Variants in UBR3 observed in about 807,000 individuals in gnomAD.
UBR3 encodes the protein ubiquitin protein ligase E3 component n-recognin 3, also known as E3 ubiquitin-protein ligase UBR3.
Under a neutral mutation model 243.2 loss-of-function variants are expected in UBR3, and 85 were observed. That is an observed-to-expected ratio of 0.35 (90% CI 0.29 to 0.42). UBR3 has a LOEUF of 0.42. Among genes scored for constraint, UBR3 ranks in the 10% least tolerant of loss-of-function variants. The pLI, the probability that UBR3 is intolerant of heterozygous loss-of-function variation, is 1.00. For missense variants in UBR3, 1,686 were observed against 2,300.8 expected (o/e 0.73, Z 5.47); for synonymous variants, 748 against 799.8 (o/e 0.94, Z 1.09).
chr2:169,877,110 CAG>C (rs1375602209), intron 3 of UBR3, among the ~76,000 whole-genome samples: 3 of 152,196 alleles, frequency 2.0e-5, no homozygotes, highest in Admixed American at 2.0e-4. Flanking sequence ...TACGAGAGCA[CAG>C]ACTGTCAAAC....
chr2:169,858,595 T>C (rs1271649522), intron 1 of UBR3, among the ~76,000 whole-genome samples: 1 of 152,116 alleles, frequency 6.6e-6, no homozygotes, highest in Non-Finnish European at 1.5e-5. Context: ...ATTTATTTAT[T>C]TGAAATTTAT....
At chr2:170,001,939 A>AAAAAAAAAAAAG (rs1553531165) in intron 27 of UBR3, among the ~76,000 whole-genome samples, 58 of 116,174 alleles carry the variant, frequency 5.0e-4, no homozygotes, top group Middle Eastern at 4.4e-3. Flanking sequence ...AAAAAAAAAA[A>AAAAAAAAAAAAG]AAAGAAAGAA....
chr2:169,828,776 C>G (rs762743260), intron 1 of UBR3, among the ~76,000 whole-genome samples: 1 of 152,196 alleles, frequency 6.6e-6, no homozygotes, highest in African/African-American at 2.4e-5. Context: ...AACCAGGAAT[C>G]AAGTGTTAGG....
chr2:169,837,277 G>C (rs1342706032), intron 1 of UBR3, among the ~76,000 whole-genome samples: 1 of 152,234 alleles, frequency 6.6e-6, no homozygotes, highest in Non-Finnish European at 1.5e-5. Context: ...GGGAGTTCGA[G>C]ACCAGCCTGA....
At chr2:169,881,399 G>C (rs1201284331) in intron 5 of UBR3, among the ~76,000 whole-genome samples, 6 of 151,878 alleles carry the variant, frequency 4.0e-5, no homozygotes, top group African/African-American at 1.5e-4. Context: ...GGCTGGTGTT[G>C]AACTCCTGAC....
chr2:169,836,058 TATATATA>T lies in UBR3; in HGVS notation c.545+8007_545+8013del, dbSNP rs1558998927. ...CTCTCTCTCTCTATATATATATATA[TATATATA>T]TATTTTTTTTTTTTTTTTTTTTTTT... On this transcript the variant is annotated intron_variant, in intron 1 of 38. Coordinates refer to ENST00000272793, the MANE Select transcript of UBR3 (RefSeq NM_172070.4). Among the ~76,000 whole-genome samples, 36 of 58,182 alleles carry T rather than the reference TATATATA, an allele frequency of 6.2e-4. 6 individuals carry two copies. The highest frequency in any genetic ancestry group is 7.1e-4 in the Non-Finnish European group (18 of 25,344). The allele number at this position is 58,182 out of a possible 152,430, so 38.2% of individuals were successfully genotyped here.
rs1363511176 is a variant in UBR3, at chr2:169,827,481, G to C, written c.-27G>C. On this transcript the variant is annotated 5_prime_UTR_variant, in exon 1 of 39. Coordinates refer to ENST00000272793, the MANE Select transcript of UBR3 (RefSeq NM_172070.4). ...TCTCCCTGGAGGAGCCGCTGGCCCT[G>C]GACTCTCCAAATTCTGAGCTCTCAT... 9 of 1,224,004 alleles carry C rather than the reference G, an allele frequency of 7.4e-6. No homozygotes were observed. Among genetic ancestry groups the C allele is most frequent in the Middle Eastern group, 3.2e-4 (1 of 3,166 alleles). The allele number at this position is 1,224,004 out of a possible 1,614,324, so 75.8% of individuals were successfully genotyped here.
At chr2:169,861,974 G>A (rs2083107625) in intron 1 of UBR3, among the ~76,000 whole-genome samples, 1 of 152,056 alleles carries the variant, frequency 6.6e-6, no homozygotes, top group African/African-American at 2.4e-5. Flanking sequence ...ATTAAGCCCT[G>A]TTTTCTGCAT....
At chr2:170,072,195 G>A (rs921457191) in intron 35 of UBR3, among the ~76,000 whole-genome samples, 8 of 152,104 alleles carry the variant, frequency 5.3e-5, no homozygotes, top group African/African-American at 9.7e-5. Context: ...ATGATAGACT[G>A]GATTAAGAAA....
rs548780170 is a variant in UBR3, at chr2:170,074,350, C to T, written c.5199+743C>T. Reference sequence around the variant, plus strand: ...ATGTACATGACTTTAAGATCTTGAACTCCAATCATTAGGAGAGTAGTGTCT... The same window carrying T: ...ATGTACATGACTTTAAGATCTTGAATTCCAATCATTAGGAGAGTAGTGTCT... On this transcript the variant is annotated intron_variant, in intron 36 of 38. Coordinates refer to ENST00000272793, the MANE Select transcript of UBR3 (RefSeq NM_172070.4). Among the ~76,000 whole-genome samples, 5 of 152,190 alleles carry T rather than the reference C, an allele frequency of 3.3e-5. No homozygotes were observed. In the South Asian group the frequency reaches 6.2e-4, roughly 19 times the overall value.
chr2:170,055,663 G>T (rs940920912), intron 33 of UBR3, 79 bp downstream of exon 33: 4 of 1,530,964 alleles, frequency 2.6e-6, no homozygotes, highest in Non-Finnish European at 3.5e-6. Context: ...ATAAGAGTAG[G>T]TGTTACAAAA....
At chr2:169,836,602 T>A (rs951200208) in intron 1 of UBR3, among the ~76,000 whole-genome samples, 1 of 151,524 alleles carries the variant, frequency 6.6e-6, no homozygotes, top group Non-Finnish European at 1.5e-5. Context: ...TTTACCTATG[T>A]AACCTGTACA....
At chr2:170,013,272 CAA>C (rs1559186665) in intron 29 of UBR3, among the ~76,000 whole-genome samples, 1 of 151,856 alleles carries the variant, frequency 6.6e-6, no homozygotes, top group Non-Finnish European at 1.5e-5. Context: ...ATATATGAAA[CAA>C]AGAAAAGTTG....
At chr2:169,862,020 G>C (rs2083109248) in intron 1 of UBR3, among the ~76,000 whole-genome samples, 1 of 152,114 alleles carries the variant, frequency 6.6e-6, no homozygotes, top group African/African-American at 2.4e-5. Context: ...AATTCCACAT[G>C]TATTTGGTTC....
intron 27 of UBR3, among the ~76,000 whole-genome samples, chr2:170,001,702 C>A (rs769578961): frequency 6.6e-5 from 10 of 151,974 alleles, no homozygotes; most frequent in Admixed American, 2.0e-4. Context: ...TCGAGACCAG[C>A]CTGGCCAACG....
intron 19 of UBR3, among the ~76,000 whole-genome samples, chr2:169,939,262 CT>C (rs201824066): frequency 1.2e-3 from 164 of 142,014 alleles, no homozygotes; most frequent in Middle Eastern, 3.6e-3. Context: ...TACTTATTAA[CT>C]TTTTTTTTTT....
chr2:170,027,533 A>AT (rs1206664882), intron 30 of UBR3, among the ~76,000 whole-genome samples: 3 of 151,768 alleles, frequency 2.0e-5, no homozygotes, highest in African/African-American at 4.8e-5. Context: ...GGTTAGTACA[A>AT]TTGCAGCTTC....
intron 24 of UBR3, among the ~76,000 whole-genome samples, chr2:169,985,822 A>G (rs1055600440): frequency 1.3e-5 from 2 of 151,994 alleles, no homozygotes; most frequent in Non-Finnish European, 2.9e-5. Context: ...AAATATCTAA[A>G]CTTGACTTTT....
chr2:169,996,921 G>A (rs1304445995), intron 26 of UBR3, among the ~76,000 whole-genome samples: 5 of 151,546 alleles, frequency 3.3e-5, no homozygotes, highest in Non-Finnish European at 5.9e-5. Context: ...GGATGGTCTC[G>A]ATCTCTTGAC....
Sources: gnomAD v4.1 joint callset for allele counts (sites outside exome capture counted in the v4.1 genomes callset) on GRCh38, gnomAD v4.1.1 for gene constraint, MANE v1.5 for transcripts, NCBI Gene and HGNC (gene_info 2026-07-23, HGNC 2026-07-21) for gene names.